The following MSH4 variants were observed in gnomAD, a reference collection of about 807,000 sequenced individuals.
MSH4 encodes mutS protein homolog 4.
In MSH4, 106 loss-of-function variants were observed where a neutral mutation model predicts 113.7. The ratio of observed to expected loss-of-function variants is 0.93; its 90% CI spans 0.80 to 1.10. MSH4 has a LOEUF of 1.10. MSH4 is among the 50% of genes least tolerant of loss of function. The probability of loss-of-function intolerance (pLI) is 0.00; values close to 1 mark genes in which losing one functional copy is unlikely to be tolerated. For synonymous variants in MSH4, 368 were observed against 380.2 expected (o/e 0.97, Z 0.37); for missense variants, 1,061 against 1,093.7 (o/e 0.97, Z 0.42).
At position 75,849,681 on chromosome 1, in the gene MSH4, T is replaced by C. The variant is rs115740553; in HGVS notation, c.1230+1405T>C. Among the ~76,000 whole-genome samples, 1,192 of 152,314 alleles carry C rather than the reference T, an allele frequency of 7.8e-3. 17 individuals carry two copies. Among genetic ancestry groups the C allele is most frequent in the African/African-American group, 0.027 (1,129 of 41,582 alleles). The stretch of plus-strand genomic sequence containing the variant: ...AACCTAAAACAACTGATGTTTGGAA[T>C]TAAATTAGCAGCCCTCATAAAATAA... On this transcript the variant is annotated intron_variant, in intron 8 of 19. Transcript: ENST00000263187.
chr1:75,819,711 C>T (rs1650366486), intron 6 of MSH4, among the ~76,000 whole-genome samples: 4 of 151,936 alleles, frequency 2.6e-5, no homozygotes, highest in African/African-American at 9.6e-5. Flanking sequence ...TTTTTTGTTT[C>T]TTTGTTTTTG....
chr1:75,848,317 T>A, intron 8 of MSH4, 41 bp downstream of exon 8: 1 of 1,287,750 alleles, frequency 7.8e-7, no homozygotes, highest in Non-Finnish European at 1.1e-6. Context: ...TATTATACAT[T>A]ATTTGATGGA....
chr1:75,861,373 G>C (rs1301987082), intron 8 of MSH4, among the ~76,000 whole-genome samples: 1 of 152,194 alleles, frequency 6.6e-6, no homozygotes, highest in Non-Finnish European at 1.5e-5. Flanking sequence ...CAGCCTTTCT[G>C]CTCTGGCTTC....
chr1:75,896,283 A>G (rs1557529390), intron 17 of MSH4, among the ~76,000 whole-genome samples: 2 of 150,796 alleles, frequency 1.3e-5, no homozygotes, highest in Non-Finnish European at 2.9e-5. Context: ...TAGATTTTTG[A>G]TCTTGCCAGC....
Position 75,912,679 on chromosome 1 carries a change from T to G in MSH4, c.2620-17T>G, listed in dbSNP as rs547419118. The G allele has an allele frequency of 2.9e-6, 4 of 1,357,236 alleles. No individual in the cohort carries two copies. Among genetic ancestry groups the G allele is most frequent in the South Asian group, 1.7e-5 (1 of 57,858 alleles). 84.1% of individuals were successfully genotyped at this position (1,357,236 alleles called of 1,614,324 possible). On this transcript the variant is annotated splice_polypyrimidine_tract_variant and intron_variant, in intron 19 of 19. Coordinates refer to ENST00000263187, the MANE Select transcript of MSH4 (RefSeq NM_002440.4). ...ATTTGTGTATATATATATATATTTT[T>G]TTTTTTTCAATGACAGCAAAACCAA...
intron 7 of MSH4, among the ~76,000 whole-genome samples, chr1:75,831,806 A>G (rs184495847): frequency 7.7e-4 from 118 of 152,374 alleles, no homozygotes; most frequent in African/African-American, 2.7e-3. Context: ...GGAAGTTTAT[A>G]GCACTAAATG....
intron 19 of MSH4, among the ~76,000 whole-genome samples, chr1:75,902,070 T>C (rs1163807668): frequency 6.6e-6 from 1 of 152,128 alleles, no homozygotes; most frequent in Non-Finnish European, 1.5e-5. Context: ...AGCTCAGATG[T>C]GAACTTCCCC....
At position 75,806,319 on chromosome 1, in the gene MSH4, C is replaced by T. The variant is rs1368535992; in HGVS notation, c.428-662C>T. 2.2e-5 allele frequency among the ~76,000 whole-genome samples: 3 copies of T among 135,298 alleles called. No homozygotes were observed. In the East Asian group the frequency reaches 6.9e-4, roughly 31 times the overall value. The allele number at this position is 135,298 out of a possible 152,430, so 88.8% of individuals were successfully genotyped here. A position where few individuals can be genotyped will look rare whatever the true frequency, so the allele number is the denominator to read the frequency against. On this transcript the variant is annotated intron_variant, in intron 2 of 19. Transcript: ENST00000263187. ...CTAGAGTGCAGTGGCGCGATCCCGG[C>T]TCACTGCAAGCTCCGCCTCCCGGGT...
rs556694192 is a variant in MSH4, at chr1:75,844,143, C to T, written c.1163-4066C>T. ...TGTGTTTTAAGGGATAACAGCATGA[C>T]ACCACTTTGAGAGTGTTAATAAGTC... is the stretch of plus-strand genomic sequence containing the variant. On this transcript the variant is annotated intron_variant, in intron 7 of 19. Transcript: ENST00000263187. Among the ~76,000 whole-genome samples the T allele has an allele frequency of 7.2e-5, 11 of 152,084 alleles. 1 individual carries two copies. Among genetic ancestry groups the T allele is most frequent in the South Asian group, 2.1e-4 (1 of 4,814 alleles).
In MSH4 at chr1:75,858,727, C is replaced by A. The variant is rs192472123; in HGVS notation, c.1231-8787C>A. ...ATCAGGGATGTTAGCCTAAAATTCT[C>A]TTTTTTTCTTGTGTCTCTGCCAGGA... On this transcript the variant is annotated intron_variant, in intron 8 of 19. Coordinates refer to ENST00000263187, the MANE Select transcript of MSH4 (RefSeq NM_002440.4). Among the ~76,000 whole-genome samples, 6 of 152,186 alleles carry A rather than the reference C, an allele frequency of 3.9e-5. No homozygotes were observed. The East Asian group carries it at 1.2e-3, about 29-fold the overall frequency.
intron 9 of MSH4, among the ~76,000 whole-genome samples, chr1:75,870,644 T>C (rs1651693766): frequency 6.6e-6 from 1 of 152,202 alleles, no homozygotes; most frequent in Non-Finnish European, 1.5e-5. Context: ...TGCTGCCATG[T>C]AAAACATGAC....
intron 19 of MSH4, among the ~76,000 whole-genome samples, chr1:75,909,180 C>A: frequency 6.6e-6 from 1 of 152,102 alleles, no homozygotes; most frequent in East Asian, 1.9e-4. Flanking sequence ...GGCTATCCAC[C>A]TCAATCTCAC....
rs1465500851 is a variant in MSH4, at chr1:75,902,733, A to ATATATG, written c.2619+3029_2619+3030insTATGTA. 4.0e-4 allele frequency among the ~76,000 whole-genome samples: 37 copies of ATATATG among 93,138 alleles called. 2 individuals carry two copies. Among genetic ancestry groups the ATATATG allele is most frequent in the African/African-American group, 6.6e-4 (17 of 25,886 alleles). 61.1% of individuals were successfully genotyped at this position (93,138 alleles called of 152,430 possible). ...TATATATATATATATATATATATAT[A>ATATATG]TAGTTCTTTTAGTTCTTTGAGAAAT... On this transcript the variant is annotated intron_variant, in intron 19 of 19. Transcript: ENST00000263187.
chr1:75,839,376 G>C (rs566326233), intron 7 of MSH4, among the ~76,000 whole-genome samples: 1 of 152,004 alleles, frequency 6.6e-6, no homozygotes, highest in South Asian at 2.1e-4. Flanking sequence ...CACCATGCCT[G>C]GCTAATTTTT....
intron 15 of MSH4, 35 bp from the exon 16 acceptor site, chr1:75,889,216 C>A: frequency 1.0e-6 from 1 of 953,096 alleles, no homozygotes. Flanking sequence ...ATTTTATAAA[C>A]ACATTTCAGT....
intron 19 of MSH4, among the ~76,000 whole-genome samples, chr1:75,905,275 T>C (rs1054509917): frequency 2.6e-5 from 4 of 152,030 alleles, no homozygotes; most frequent in African/African-American, 9.7e-5. Flanking sequence ...ATTTTTAAAT[T>C]TTTCTTTTTA....
At chr1:75,840,033 G>A (rs1000861613) in intron 7 of MSH4, among the ~76,000 whole-genome samples, 25 of 151,250 alleles carry the variant, frequency 1.7e-4, no homozygotes, top group Non-Finnish European at 3.1e-4. Context: ...GTGCTGGAGA[G>A]GATGTGGAGA....
chr1:75,846,173 A>G (rs911019295), intron 7 of MSH4, among the ~76,000 whole-genome samples: 9 of 152,078 alleles, frequency 5.9e-5, no homozygotes, highest in African/African-American at 2.2e-4. Flanking sequence ...TCAAGGTCCT[A>G]GCTTCCCTAG....
At chr1:75,845,793 C>A (rs1470619013) in intron 7 of MSH4, among the ~76,000 whole-genome samples, 1 of 152,024 alleles carries the variant, frequency 6.6e-6, no homozygotes, top group African/African-American at 2.4e-5. Context: ...GAATGATGGC[C>A]TCTATCCTAT....
Sources: gnomAD v4.1 joint callset for allele counts (sites outside exome capture counted in the v4.1 genomes callset) on GRCh38, gnomAD v4.1.1 for gene constraint, MANE v1.5 for transcripts, NCBI Gene and HGNC (gene_info 2026-07-23, HGNC 2026-07-21) for gene names.